The following KMT5B variants were observed in gnomAD, a reference collection of about 807,000 sequenced individuals.
KMT5B encodes histone-lysine N-methyltransferase KMT5B.
In KMT5B, 10 loss-of-function variants were observed where a neutral mutation model predicts 83.2. The ratio of observed to expected loss-of-function variants is 0.12; its 90% CI spans 0.07 to 0.20. The LOEUF is 0.20. Ranked by LOEUF, KMT5B falls within the 10% of genes least tolerant of loss-of-function variation. The pLI is 1.00. For synonymous variants in KMT5B, 349 were observed against 388.8 expected (o/e 0.90, Z 1.20); for missense variants, 753 against 1,067.2 (o/e 0.71, Z 4.10).
chr11:68,213,343 A>AATGAGTCCCCGCAGCGT (rs1364085765), upstream of KMT5B: 1 of 146,326 alleles, frequency 6.8e-6, no homozygotes, highest in Non-Finnish European at 1.5e-5. Context: ...TGACGGGAAA[A>AATGAGTCCCCGCAGCGT]ATGAGTCCCC....
intron 1 of KMT5B, among the ~76,000 whole-genome samples, chr11:68,211,888 C>A (rs1016815521): frequency 1.3e-5 from 2 of 152,122 alleles, no homozygotes; most frequent in Non-Finnish European, 2.9e-5. Context: ...GGGATTAGAG[C>A]GTTTGTGGAC....
intron 1 of KMT5B, among the ~76,000 whole-genome samples, chr11:68,205,112 G>A (rs1859926132): frequency 6.6e-6 from 1 of 151,360 alleles, no homozygotes; most frequent in Non-Finnish European, 1.5e-5. Flanking sequence ...AGTTTTAAAA[G>A]ACTGGGCAAC....
Position 68,201,336 on chromosome 11 carries a change from A to G in KMT5B, c.-76-11184T>C, listed in dbSNP as rs143327622. On this transcript the variant is annotated intron_variant, in intron 1 of 10. Transcript: ENST00000304363. Reference sequence around the variant, plus strand: ...ACTGAAAACCTTAATACTTTAACACATTTCAAAAGAAAGCAGCATTGATTC... The same window carrying G: ...ACTGAAAACCTTAATACTTTAACACGTTTCAAAAGAAAGCAGCATTGATTC... Among the ~76,000 whole-genome samples the G allele has an allele frequency of 3.6e-3, 553 of 152,330 alleles. 3 individuals are homozygous for G. Among genetic ancestry groups the G allele is most frequent in the South Asian group, 0.011 (54 of 4,826 alleles).
rs777468507 is a variant in KMT5B, at chr11:68,165,988, T to C, written c.1174+994A>G. 4 of 1,612,568 alleles carry C rather than the reference T, an allele frequency of 2.5e-6. No individual in the cohort carries two copies. In the South Asian group the frequency reaches 3.3e-5, roughly 13 times the overall value. On this transcript the variant is annotated intron_variant, in intron 10 of 10. Coordinates refer to ENST00000304363, the MANE Select transcript of KMT5B (RefSeq NM_017635.5). ...AGCACCCAGTGTTGGGCTGAAAACA[T>C]CTGAAAGTAGGGAGAAGAACCTAAA...
chr11:68,185,268 C>A (rs1038156946), intron 3 of KMT5B, among the ~76,000 whole-genome samples: 1 of 152,086 alleles, frequency 6.6e-6, no homozygotes, highest in African/African-American at 2.4e-5. Context: ...TGCAATGGCA[C>A]GATCTCGGCT....
intron 1 of KMT5B, among the ~76,000 whole-genome samples, chr11:68,194,705 T>C (rs1223408177): frequency 6.6e-6 from 1 of 152,212 alleles, no homozygotes; most frequent in Non-Finnish European, 1.5e-5. Context: ...TCAATTTCCT[T>C]GACCCCTAGG....
At chr11:68,205,074 C>T (rs1272088677) in intron 1 of KMT5B, among the ~76,000 whole-genome samples, 1 of 151,878 alleles carries the variant, frequency 6.6e-6, no homozygotes, top group African/African-American at 2.4e-5. Flanking sequence ...AGATTTTAAA[C>T]AACTTTTAAA....
intron 10 of KMT5B, among the ~76,000 whole-genome samples, chr11:68,163,496 G>A (rs558350200): frequency 1.3e-5 from 2 of 152,182 alleles, no homozygotes; most frequent in Non-Finnish European, 1.5e-5. Flanking sequence ...ATTTCAGGGT[G>A]TCCTCAAAAT....
intron 1 of KMT5B, among the ~76,000 whole-genome samples, chr11:68,199,713 TTAG>T (rs1263953394): frequency 6.6e-6 from 1 of 152,194 alleles, no homozygotes; most frequent in Non-Finnish European, 1.5e-5. Context: ...GGAGACGTTA[TTAG>T]TAGTAGTAGT....
chr11:68,168,959 T>G (rs935059209), intron 9 of KMT5B, among the ~76,000 whole-genome samples: 1 of 152,204 alleles, frequency 6.6e-6, no homozygotes, highest in Admixed American at 6.5e-5. Flanking sequence ...AATAATGGAA[T>G]GAGCTCCTAG....
rs137948633 is a variant in KMT5B at position 68,155,746 on chromosome 11, G to A, written c.*1942C>T. On this transcript the variant is annotated 3_prime_UTR_variant, in exon 11 of 11. Coordinates refer to ENST00000304363, the MANE Select transcript of KMT5B (RefSeq NM_017635.5). Reference sequence around the variant, plus strand: ...CAAAGTGCTCCGGGTGCCTCGGACAGGTGCTCCTGAGAGGCTGTGTGGGCT... The same window carrying A: ...CAAAGTGCTCCGGGTGCCTCGGACAAGTGCTCCTGAGAGGCTGTGTGGGCT... 50 of 152,352 alleles carry A rather than the reference G, an allele frequency of 3.3e-4. No individual in the cohort carries two copies. The highest frequency in any genetic ancestry group is 1.1e-3 in the African/African-American group (47 of 41,536). 9.4% of individuals were successfully genotyped at this position (152,352 alleles called of 1,614,324 possible).
At chr11:68,163,627 AG>A (rs1198493736) in intron 10 of KMT5B, among the ~76,000 whole-genome samples, 1 of 152,210 alleles carries the variant, frequency 6.6e-6, no homozygotes, top group East Asian at 1.9e-4. Flanking sequence ...AGATAATACA[AG>A]GGCCACAGCT....
intron 4 of KMT5B, among the ~76,000 whole-genome samples, chr11:68,178,356 A>G (rs749459790): frequency 6.6e-6 from 1 of 152,188 alleles, no homozygotes; most frequent in Admixed American, 6.5e-5. Context: ...ATAATGCCAA[A>G]CAATTTACAT....
At chr11:68,198,498 A>AG (rs1859017045) in intron 1 of KMT5B, among the ~76,000 whole-genome samples, 1 of 146,828 alleles carries the variant, frequency 6.8e-6, no homozygotes, top group Non-Finnish European at 1.5e-5. Flanking sequence ...AAGACAAGAC[A>AG]GGGCGGCTAG....
intron 1 of KMT5B, among the ~76,000 whole-genome samples, chr11:68,203,008 C>T (rs1444493812): frequency 1.3e-5 from 2 of 152,074 alleles, no homozygotes; most frequent in Admixed American, 6.6e-5. Flanking sequence ...TGGAGTCTTG[C>T]TCTGTCACCC....
At position 68,158,968 on chromosome 11, in the gene KMT5B, G is replaced by T; in HGVS notation, c.1378C>A (p.Arg460=). Residue 460 remains arginine (R), a synonymous_variant, in exon 11 of 11, where the codon CGG becomes AGG. Transcript: ENST00000304363. ...CTTGAAGCATTCTTTTGCTCCAGCC[G>T]CTTGCAATGATTTCTCAATTTTATC... The part of the protein sequence containing the change: ...SKIKLRNHCK[R]LEQKNASRKL... 1 of 1,612,164 alleles carries T rather than the reference G, an allele frequency of 6.2e-7. No homozygotes were observed. The highest frequency in any genetic ancestry group is 8.5e-7 in the Non-Finnish European group (1 of 1,179,644).
chr11:68,184,136 T>G (rs982192362), intron 3 of KMT5B, among the ~76,000 whole-genome samples: 6 of 152,174 alleles, frequency 3.9e-5, no homozygotes, highest in Admixed American at 3.3e-4. Flanking sequence ...TTTGGGAGGC[T>G]GAGGCAGGTG....
At chr11:68,166,149 A>G (rs1590939209) in intron 10 of KMT5B, 19 of 1,409,184 alleles carry the variant, frequency 1.3e-5, no homozygotes, top group Non-Finnish European at 1.8e-5. Flanking sequence ...GTGAGACTCA[A>G]GAGTCTACTG....
At chr11:68,210,422 C>T (rs1305759986) in intron 1 of KMT5B, among the ~76,000 whole-genome samples, 1 of 152,130 alleles carries the variant, frequency 6.6e-6, no homozygotes, top group Non-Finnish European at 1.5e-5. Flanking sequence ...AATAGGATGG[C>T]AGTGAAGTGT....
Sources: allele counts gnomAD v4.1 joint callset (sites outside exome capture counted in the v4.1 genomes callset), GRCh38; gene constraint gnomAD v4.1.1; transcripts MANE v1.5; gene names NCBI Gene and HGNC (gene_info 2026-07-23, HGNC 2026-07-21).